The following NFATC2 variants were observed in gnomAD, a reference collection of about 807,000 sequenced individuals.
NFATC2 encodes the protein nuclear factor of activated T cells 2.
NFATC2 carries 22 observed loss-of-function variants against 87.3 expected under a neutral mutation model. The observed-to-expected ratio is 0.25, with a 90% CI of 0.18 to 0.36. The LOEUF is 0.36. Ranked by LOEUF, NFATC2 falls within the 10% of genes least tolerant of loss-of-function variation. NFATC2 has a pLI of 1.00. For synonymous variants in NFATC2, 565 were observed against 542.2 expected (o/e 1.04, Z -0.58); for missense variants, 1,149 against 1,259.1 (o/e 0.91, Z 1.32).
At chr20:51,441,728 A>AAC (rs1984373392) in intron 6 of NFATC2, among the ~76,000 whole-genome samples, 1 of 151,744 alleles carries the variant, frequency 6.6e-6, no homozygotes, top group Non-Finnish European at 1.5e-5. Flanking sequence ...AAAAAAAAAA[A>AAC]AAAAAAGATA....
intron 1 of NFATC2, among the ~76,000 whole-genome samples, chr20:51,529,334 T>C (rs1339123283): frequency 3.4e-5 from 5 of 148,878 alleles, no homozygotes; most frequent in Non-Finnish European, 5.9e-5. Flanking sequence ...GCATTTACAT[T>C]GGTTTTCATT....
chr20:51,549,270 G>T (rs540880849), intron 1 of NFATC2, among the ~76,000 whole-genome samples: 20 of 152,022 alleles, frequency 1.3e-4, no homozygotes, highest in Non-Finnish European at 2.6e-4. Flanking sequence ...TTTTTTGTTT[G>T]TTTGTTTGTT....
At chr20:51,554,824 G>C (rs2076963854) in intron 1 of NFATC2, among the ~76,000 whole-genome samples, 1 of 152,178 alleles carries the variant, frequency 6.6e-6, no homozygotes, top group Non-Finnish European at 1.5e-5. Context: ...GGATCAAGAT[G>C]AAACCCAGAA....
chr20:51,423,531 GGGCCT>G (rs1981289899), intron 9 of NFATC2, among the ~76,000 whole-genome samples: 1 of 152,090 alleles, frequency 6.6e-6, no homozygotes, highest in South Asian at 2.1e-4. Flanking sequence ...CTACAAAGGA[GGGCCT>G]TTAAAATTGG....
In NFATC2 at chr20:51,454,669, C is replaced by A. The variant is rs749288118; in HGVS notation, c.1728G>T (p.Glu576Asp). ...TGTCTTGTCTTTCAACCATGGGCAGCTCGTGAGCAGATCGCTGGGCTGCAG... is the reference window on the plus strand; with the variant it reads ...TGTCTTGTCTTTCAACCATGGGCAGATCGTGAGCAGATCGCTGGGCTGCAG... ...PIECSQRSAH[E>D]LPMVERQDTD... Residue 576 changes from glutamate to aspartate, a missense_variant, in exon 6 of 11, where the codon GAG (glutamate) becomes GAT (aspartate). Transcript: ENST00000371564. 2 of 1,614,000 alleles carry A rather than the reference C, an allele frequency of 1.2e-6. No individual in the cohort carries two copies. Among genetic ancestry groups the A allele is most frequent in the African/African-American group, 1.3e-5 (1 of 75,026 alleles).
chr20:51,404,297 T>A (rs1657383912), intron 9 of NFATC2, among the ~76,000 whole-genome samples: 1 of 152,168 alleles, frequency 6.6e-6, no homozygotes. Flanking sequence ...TTCATAGAAC[T>A]TGAGGCAAAT....
intron 10 of NFATC2, among the ~76,000 whole-genome samples, chr20:51,395,174 G>C (rs1986878160): frequency 6.6e-6 from 1 of 151,876 alleles, no homozygotes; most frequent in Non-Finnish European, 1.5e-5. Flanking sequence ...ACAGTGCCAG[G>C]GACTATTATT....
Position 51,523,406 on chromosome 20 carries a change from G to C in NFATC2, c.835C>G (p.Pro279Ala), listed in dbSNP as rs576341337. ...PQRSRSPSPQ[P>A]SSHVAPQDHG... ...TCCTGGGGTGCCACGTGAGATGAGGGCTGCGGCGAGGGGCTCCGGGAGCGC... is the reference window on the plus strand; with the variant it reads ...TCCTGGGGTGCCACGTGAGATGAGGCCTGCGGCGAGGGGCTCCGGGAGCGC... Residue 279 changes from proline to alanine, a missense_variant, in exon 2 of 11, where the codon CCC (proline) becomes GCC (alanine). Physicochemically the swap from Pro to Ala is conservative, Grantham distance 27. This residue lies in a region of NFATC2 where 563 missense variants were observed against 585.2 expected (regional missense o/e 0.96). Coordinates refer to ENST00000371564, the MANE Select transcript of NFATC2 (RefSeq NM_012340.5). This position sits in a 1 kb window ranked among gnomAD's most constrained non-coding sequence, Gnocchi z 6.9. The C allele has an allele frequency of 7.5e-6, 12 of 1,609,016 alleles. No homozygotes were observed. In the South Asian group the frequency reaches 1.3e-4, roughly 18 times the overall value.
intron 10 of NFATC2, 79 bp downstream of exon 10, chr20:51,398,564 T>G (rs1453731841): frequency 1.1e-6 from 1 of 904,974 alleles, no homozygotes. Flanking sequence ...TTTCTTATAC[T>G]TTACTTAAAA....
Position 51,472,248 on chromosome 20 carries a change from C to T in NFATC2, c.1708+1732G>A, listed in dbSNP as rs558993225. 1.1e-3 allele frequency among the ~76,000 whole-genome samples: 163 copies of T among 152,214 alleles called. 1 individual carries two copies. Among genetic ancestry groups the T allele is most frequent in the Middle Eastern group, 3.4e-3 (1 of 294 alleles). On this transcript the variant is annotated intron_variant, in intron 5 of 10. Coordinates refer to ENST00000371564, the MANE Select transcript of NFATC2 (RefSeq NM_012340.5). ...CCAGCCTGGATCAGAGAGTGAGATT[C>T]CTTCTTAATAAAATAAAATAAAATA...
At chr20:51,499,947 G>C (rs1389112545) in intron 3 of NFATC2, among the ~76,000 whole-genome samples, 2 of 152,134 alleles carry the variant, frequency 1.3e-5, no homozygotes, top group Admixed American at 6.5e-5. Context: ...TGCTCAATAA[G>C]TAATACTTTT....
chr20:51,526,451 C>T (rs1030670973), intron 1 of NFATC2, among the ~76,000 whole-genome samples: 1 of 152,220 alleles, frequency 6.6e-6, no homozygotes, highest in African/African-American at 2.4e-5. Context: ...ACCCCACACT[C>T]GACCCAGAGC....
chr20:51,432,494 A>G lies in NFATC2; in HGVS notation c.2295T>C (p.Tyr765=). The change falls in exon 9 of 11, where the codon TAT becomes TAC. Residue 765 remains tyrosine (Y), a synonymous_variant. Coordinates refer to ENST00000371564, the MANE Select transcript of NFATC2 (RefSeq NM_012340.5). This position sits in a 1 kb window ranked among gnomAD's most constrained non-coding sequence, Gnocchi z 4.6. ...GGGCGGCCATGAGGGCCGGCTGCTG[A>G]TAGCCCAGCAGGCTGGGGCTCAGGC... is the stretch of plus-strand genomic sequence containing the variant. ...SKSLSPSLLG[Y]QQPALMAAPL... 6.4e-7 allele frequency: 1 copy of G among 1,555,626 alleles called. No homozygotes were observed. The highest frequency in any genetic ancestry group is 8.7e-7 in the Non-Finnish European group (1 of 1,151,060).
At chr20:51,528,041 G>A (rs867486018) in intron 1 of NFATC2, among the ~76,000 whole-genome samples, 3 of 145,104 alleles carry the variant, frequency 2.1e-5, no homozygotes, top group Non-Finnish European at 3.0e-5. Flanking sequence ...AGCCATGATC[G>A]TACCACCACC....
At chr20:51,402,411 G>A (rs985753066) in intron 9 of NFATC2, among the ~76,000 whole-genome samples, 2 of 151,778 alleles carry the variant, frequency 1.3e-5, no homozygotes, top group African/African-American at 2.4e-5. Flanking sequence ...TCACCACCTC[G>A]GCCCCAACCC....
chr20:51,469,268 T>C (rs228852), intron 5 of NFATC2, among the ~76,000 whole-genome samples: 127,411 of 152,152 alleles, frequency 0.84, 53,411 homozygotes, highest in South Asian at 0.87. Flanking sequence ...CGTCCGGCCT[T>C]AGCCTCTCAA....
At chr20:51,443,894 G>A (rs935428148) in intron 6 of NFATC2, among the ~76,000 whole-genome samples, 36 of 151,762 alleles carry the variant, frequency 2.4e-4, no homozygotes, top group Admixed American at 2.4e-3. Flanking sequence ...GTTAGGTCTA[G>A]AGAAGACTTA....
intron 3 of NFATC2, among the ~76,000 whole-genome samples, chr20:51,507,341 C>CAACTCTCAG (rs925277210): frequency 6.6e-6 from 1 of 152,052 alleles, no homozygotes; most frequent in Non-Finnish European, 1.5e-5. Flanking sequence ...TGTAAATAAA[C>CAACTCTCAG]AACTCTCAGA....
intron 1 of NFATC2, among the ~76,000 whole-genome samples, chr20:51,540,934 G>A (rs921659517): frequency 2.6e-5 from 4 of 152,046 alleles, no homozygotes; most frequent in Admixed American, 1.3e-4. Flanking sequence ...AGTGCGGATC[G>A]TTTGCAGATT....
Sources: gnomAD v4.1 joint callset for allele counts (sites outside exome capture counted in the v4.1 genomes callset) on GRCh38, gnomAD v4.1.1 for gene constraint, gnomAD v4.1.1 regional missense constraint, Gnocchi (gnomAD v3.1) non-coding constraint, MANE v1.5 for transcripts, NCBI Gene and HGNC (gene_info 2026-07-23, HGNC 2026-07-21) for gene names.